The following LGSN variants were observed in gnomAD, a reference collection of about 807,000 sequenced individuals.
The protein encoded by LGSN is lengsin, lens protein with glutamine synthetase domain.
In LGSN, 21 loss-of-function variants were observed where a neutral mutation model predicts 19.5. That is an observed-to-expected ratio of 1.07 (90% CI 0.76 to 1.55). The LOEUF is 1.55. Among genes scored for constraint, LGSN ranks in the 40% most tolerant of loss-of-function variants. The probability of loss-of-function intolerance (pLI) is 0.00; values close to 1 mark genes in which losing one functional copy is unlikely to be tolerated. For synonymous variants in LGSN, 257 were observed against 215.6 expected, an observed-to-expected ratio of 1.19 and a Z score of -1.68; for missense variants, 673 against 608.5, an observed-to-expected ratio of 1.11 and a Z score of -1.12.
intron 3 of LGSN, among the ~76,000 whole-genome samples, chr6:63,283,332 C>G (rs1767392933): frequency 6.6e-6 from 1 of 151,756 alleles, no homozygotes; most frequent in Admixed American, 6.6e-5. Flanking sequence ...CACTATGGAC[C>G]CAATAAAATT....
chr6:63,518,544 G>C, the LGSN span, among the ~76,000 whole-genome samples: 1 of 152,114 alleles, frequency 6.6e-6, no homozygotes, highest in African/African-American at 2.4e-5. Context: ...AGAGGGTGGG[G>C]GCAATGTAGG....
chr6:63,560,634 C>T, the LGSN span, among the ~76,000 whole-genome samples: 2 of 152,002 alleles, frequency 1.3e-5, no homozygotes, highest in African/African-American at 2.4e-5. Context: ...GAACTCCTGA[C>T]CTCAGGTGAT....
the LGSN span, among the ~76,000 whole-genome samples, chr6:63,417,997 C>T: frequency 6.6e-6 from 1 of 152,036 alleles, no homozygotes; most frequent in Admixed American, 6.6e-5. Flanking sequence ...AGTACATTAC[C>T]ATATTTAACT....
chr6:63,440,103 C>T, the LGSN span, among the ~76,000 whole-genome samples: 7 of 152,180 alleles, frequency 4.6e-5, no homozygotes, highest in Non-Finnish European at 1.0e-4. Context: ...TCAGATTCTA[C>T]TTGTAAGTTC....
At chr6:63,289,298 C>T (rs1234034859) in intron 2 of LGSN, among the ~76,000 whole-genome samples, 1 of 152,190 alleles carries the variant, frequency 6.6e-6, no homozygotes, top group Non-Finnish European at 1.5e-5. Context: ...AAGTTCAATT[C>T]TTTCACCAAA....
the LGSN span, chr6:63,549,536 T>G: frequency 1.6e-6 from 1 of 640,844 alleles, no homozygotes; most frequent in Non-Finnish European, 2.7e-6. Flanking sequence ...TAATTATTTT[T>G]AAAGGTGATA....
chr6:63,442,907 TC>T, the LGSN span, among the ~76,000 whole-genome samples: 16 of 152,302 alleles, frequency 1.1e-4, no homozygotes, highest in Middle Eastern at 6.8e-3. Flanking sequence ...GCCTAGTGGA[TC>T]CCACGCCAGG....
At chr6:63,362,823 C>T in the LGSN span, among the ~76,000 whole-genome samples, 2 of 152,198 alleles carry the variant, frequency 1.3e-5, no homozygotes, top group Non-Finnish European at 2.9e-5. Flanking sequence ...TTAAACATCC[C>T]TGTCTGACAG....
chr6:63,419,945 C>T, the LGSN span, among the ~76,000 whole-genome samples: 2 of 119,180 alleles, frequency 1.7e-5, no homozygotes, highest in African/African-American at 3.1e-5. Context: ...GTGGCTCACA[C>T]CTGTAATCCC....
chr6:63,485,117 G>A, the LGSN span, among the ~76,000 whole-genome samples: 1 of 151,888 alleles, frequency 6.6e-6, no homozygotes, highest in Non-Finnish European at 1.5e-5. Flanking sequence ...GGGTTGTACA[G>A]ATTATTTCAT....
At chr6:63,339,542 T>C in the LGSN span, among the ~76,000 whole-genome samples, 2 of 152,128 alleles carry the variant, frequency 1.3e-5, no homozygotes, top group Non-Finnish European at 2.9e-5. Context: ...TTTCCTTCCC[T>C]TCGCTTTCAG....
chr6:63,515,156 C>T, the LGSN span, among the ~76,000 whole-genome samples: 1 of 152,164 alleles, frequency 6.6e-6, no homozygotes, highest in Non-Finnish European at 1.5e-5. Flanking sequence ...GCAAGCATCA[C>T]CATGCCTGGC....
At chr6:63,311,366 C>T (rs376842112) in intron 1 of LGSN, among the ~76,000 whole-genome samples, 127 of 152,272 alleles carry the variant, frequency 8.3e-4, no homozygotes, top group Middle Eastern at 3.4e-3. Context: ...TGCTGTTAAT[C>T]GCCAGCCGTC....
chr6:63,505,104 C>T, the LGSN span, among the ~76,000 whole-genome samples: 54 of 151,942 alleles, frequency 3.6e-4, no homozygotes, highest in East Asian at 4.6e-3. Flanking sequence ...CCTATATTGG[C>T]TAGAAAGCCC....
chr6:63,499,027 A>G, the LGSN span, among the ~76,000 whole-genome samples: 1 of 152,104 alleles, frequency 6.6e-6, no homozygotes, highest in African/African-American at 2.4e-5. Context: ...CAAATCCTAC[A>G]TTCTTTAGGA....
At chr6:63,424,510 CA>C in the LGSN span, among the ~76,000 whole-genome samples, 7 of 40,512 alleles carry the variant, frequency 1.7e-4, no homozygotes, top group Non-Finnish European at 4.8e-4. Context: ...CAAAACCAGA[CA>C]CACACACACA....
At chr6:63,560,028 G>A in the LGSN span, among the ~76,000 whole-genome samples, 4 of 152,134 alleles carry the variant, frequency 2.6e-5, no homozygotes, top group African/African-American at 9.7e-5. Flanking sequence ...AAAGACTAAG[G>A]AAGGTACCCC....
the LGSN span, among the ~76,000 whole-genome samples, chr6:63,336,278 A>G: frequency 6.6e-6 from 1 of 152,196 alleles, no homozygotes. Context: ...AAATACTTGG[A>G]TAATTGATAC....
chr6:63,523,828 T>C, the LGSN span, among the ~76,000 whole-genome samples: 9 of 152,146 alleles, frequency 5.9e-5, no homozygotes, highest in African/African-American at 1.2e-4. Context: ...AGCCAAAAGA[T>C]TGGACACCCC....
Sources: gnomAD v4.1 joint callset for allele counts (sites outside exome capture counted in the v4.1 genomes callset) on GRCh38, gnomAD v4.1.1 for gene constraint, MANE v1.5 for transcripts, NCBI Gene and HGNC (gene_info 2026-07-23, HGNC 2026-07-21) for gene names.